Variants in NCAM1 observed in about 807,000 individuals in gnomAD.
NCAM1 encodes the protein neural cell adhesion molecule 1.
Under a neutral mutation model 109.8 loss-of-function variants are expected in NCAM1, and 14 were observed. The ratio of observed to expected loss-of-function variants is 0.13; its 90% confidence interval spans 0.08 to 0.20. The LOEUF (loss-of-function observed/expected upper bound fraction) is 0.20, where lower values mean the gene tolerates loss of function less well. NCAM1 is among the 10% of genes least tolerant of loss of function. The pLI, the probability that NCAM1 is intolerant of heterozygous loss-of-function variation, is 1.00. For missense variants in NCAM1, 774 were observed against 1,109.9 expected (o/e 0.70, Z 4.30); for synonymous variants, 418 against 442.9 (o/e 0.94, Z 0.70).
chr11:113,091,404 C>T (rs11214482), intron 1 of NCAM1, among the ~76,000 whole-genome samples: 1 of 152,244 alleles, frequency 6.6e-6, no homozygotes, highest in East Asian at 1.9e-4. Flanking sequence ...TTTTCTAGGC[C>T]ACTCAGGGTT....
chr11:112,970,811 AG>A (rs1555066628), intron 1 of NCAM1, among the ~76,000 whole-genome samples: 1 of 152,204 alleles, frequency 6.6e-6, no homozygotes, highest in African/African-American at 2.4e-5. Context: ...AATTTTGGAA[AG>A]ATACACTTGT....
chr11:113,008,249 T>C (rs1468231808), intron 1 of NCAM1, among the ~76,000 whole-genome samples: 1 of 152,206 alleles, frequency 6.6e-6, no homozygotes, highest in East Asian at 1.9e-4. Context: ...TTGGACTGTT[T>C]ACATTATGAT....
intron 1 of NCAM1, among the ~76,000 whole-genome samples, chr11:113,088,570 A>G (rs1440437703): frequency 2.0e-5 from 3 of 151,978 alleles, no homozygotes; most frequent in African/African-American, 7.3e-5. Flanking sequence ...GTAAAACACT[A>G]GTACCTAGCT....
In NCAM1 at chr11:113,213,130, T is replaced by A. The variant is rs144296062; in HGVS notation, c.917-1239T>A. Among the ~76,000 whole-genome samples, 1,277 of 152,360 alleles carry A rather than the reference T, an allele frequency of 8.4e-3. 10 individuals carry two copies. Among genetic ancestry groups the A allele is most frequent in the Middle Eastern group, 0.024 (7 of 294 alleles). On this transcript the variant is annotated intron_variant, in intron 7 of 19. Transcript: ENST00000316851. Reference sequence around the variant, plus strand: ...ATCAAAGACCTCAACATGGAGAAGATATATAGGCAGTTGTTTATTTGCCTA... The same window carrying A: ...ATCAAAGACCTCAACATGGAGAAGAAATATAGGCAGTTGTTTATTTGCCTA...
intron 17 of NCAM1, among the ~76,000 whole-genome samples, chr11:113,268,688 C>G (rs782278239): frequency 6.6e-6 from 1 of 152,192 alleles, no homozygotes; most frequent in Non-Finnish European, 1.5e-5. Context: ...ACCACCCTCC[C>G]GCAAATACAG....
chr11:113,042,812 C>G (rs910977234), intron 1 of NCAM1, among the ~76,000 whole-genome samples: 1 of 152,116 alleles, frequency 6.6e-6, no homozygotes, highest in Non-Finnish European at 1.5e-5. Flanking sequence ...CCAGATTCCC[C>G]GCTCGCCCCT....
chr11:113,234,941 TTAA>T, intron 13 of NCAM1, 89 bp from the exon 14 acceptor site: 2 of 1,417,344 alleles, frequency 1.4e-6, no homozygotes, highest in Non-Finnish European at 1.9e-6. Context: ...AAATCTACAG[TTAA>T]TTTTTTCAGG....
intron 1 of NCAM1, chr11:113,133,492 C>T (rs1043979770): frequency 2.0e-5 from 3 of 152,210 alleles, no homozygotes; most frequent in Non-Finnish European, 4.4e-5. Flanking sequence ...ACAGCACCAA[C>T]TTATATAACA....
intron 1 of NCAM1, among the ~76,000 whole-genome samples, chr11:113,086,930 A>T (rs1222854014): frequency 6.6e-6 from 1 of 152,254 alleles, no homozygotes; most frequent in African/African-American, 2.4e-5. Flanking sequence ...TTCAGTTTTC[A>T]TGAGTACTTA....
chr11:113,214,391 A>G lies in NCAM1; in HGVS notation c.939A>G (p.Val313=), dbSNP rs782196262. The part of the protein sequence containing the change: ...KVFAKPKITY[V]ENQTAMELEE... ...CAGCAAAACCCAAAATCACATATGTAGAGAACCAGACTGCCATGGAATTAG... is the reference window on the plus strand; with the variant it reads ...CAGCAAAACCCAAAATCACATATGTGGAGAACCAGACTGCCATGGAATTAG... The change falls in exon 8 of 20, where the codon GTA becomes GTG. Residue 313 remains valine, a synonymous_variant. Transcript: ENST00000316851. 1 of 1,614,014 alleles carries G rather than the reference A, an allele frequency of 6.2e-7. No individual in the cohort carries two copies. Among genetic ancestry groups the G allele is most frequent in the Non-Finnish European group, 8.5e-7 (1 of 1,179,866 alleles).
At chr11:113,212,373 TAAGG>T (rs1159546186) in intron 7 of NCAM1, among the ~76,000 whole-genome samples, 1 of 152,214 alleles carries the variant, frequency 6.6e-6, no homozygotes, top group Non-Finnish European at 1.5e-5. Context: ...GCCTTTTTTC[TAAGG>T]AGTCACACAA....
Position 113,240,805 on chromosome 11 carries a change from T to C in NCAM1, c.1826-5563T>C, listed in dbSNP as rs1555118998. On this transcript the variant is annotated intron_variant, in intron 14 of 19. Coordinates refer to ENST00000316851, the MANE Select transcript of NCAM1 (RefSeq NM_181351.5). ...CTTCAGCGGCATCTGCTAGCTCGTCTACCCCTGTTCCATTGTCTCCACCAG... is the reference window on the plus strand; with the variant it reads ...CTTCAGCGGCATCTGCTAGCTCGTCCACCCCTGTTCCATTGTCTCCACCAG... 6 of 1,613,860 alleles carry C rather than the reference T, an allele frequency of 3.7e-6. No homozygotes were observed. In the South Asian group the frequency reaches 4.4e-5, roughly 12 times the overall value.
intron 1 of NCAM1, among the ~76,000 whole-genome samples, chr11:113,162,489 C>G (rs1196105568): frequency 1.3e-5 from 2 of 152,096 alleles, no homozygotes; most frequent in African/African-American, 4.8e-5. Flanking sequence ...TGCTTCTGGC[C>G]TAATAACTAC....
intron 1 of NCAM1, among the ~76,000 whole-genome samples, chr11:113,185,079 T>TATATAGAGAGAGAGAGAGAG: frequency 1.6e-5 from 2 of 125,752 alleles, no homozygotes; most frequent in East Asian, 5.8e-4. Context: ...TATATATATA[T>TATATAGAGAGAGAGAGAGAG]AGAGAGAGAG....
chr11:112,993,912 C>T (rs1399846110), intron 1 of NCAM1, among the ~76,000 whole-genome samples: 3 of 152,106 alleles, frequency 2.0e-5, no homozygotes, highest in African/African-American at 4.8e-5. Flanking sequence ...AAGAGAGTAT[C>T]AAATCTTGAA....
intron 1 of NCAM1, among the ~76,000 whole-genome samples, chr11:113,004,243 G>A (rs986963753): frequency 3.9e-5 from 6 of 151,908 alleles, no homozygotes; most frequent in Non-Finnish European, 7.4e-5. Context: ...GCCTGTAATC[G>A]CAGCACTTTG....
intron 8 of NCAM1, among the ~76,000 whole-genome samples, chr11:113,216,308 C>G (rs1944529178): frequency 2.0e-5 from 3 of 152,104 alleles, no homozygotes; most frequent in East Asian, 3.9e-4. Context: ...CGCCACCTCG[C>G]CCGGCTAATT....
intron 1 of NCAM1, among the ~76,000 whole-genome samples, chr11:113,118,485 G>A (rs1940805958): frequency 6.6e-6 from 1 of 152,026 alleles, no homozygotes; most frequent in East Asian, 1.9e-4. Flanking sequence ...CACAGCCCTC[G>A]GTGCTTTTGA....
intron 1 of NCAM1, among the ~76,000 whole-genome samples, chr11:113,076,059 C>T (rs1431293440): frequency 6.6e-6 from 1 of 152,188 alleles, no homozygotes. Flanking sequence ...GGCCTGATGT[C>T]TGTTGGGCAA....
Sources: allele counts gnomAD v4.1 joint callset (sites outside exome capture counted in the v4.1 genomes callset), GRCh38; gene constraint gnomAD v4.1.1; transcripts MANE v1.5; gene names NCBI Gene and HGNC (gene_info 2026-07-23, HGNC 2026-07-21).